Variants in RSF1 observed in about 807,000 individuals in gnomAD.
RSF1 encodes the protein HBV pX-associated protein 8.
A neutral mutation model predicts 145.2 loss-of-function variants in RSF1; 13 were observed. That is an observed-to-expected ratio of 0.09 (90% CI 0.06 to 0.14). The LOEUF is 0.14. RSF1 is among the 10% of genes least tolerant of loss of function. The pLI is 1.00. For missense variants in RSF1, 1,517 were observed against 1,718.2 expected (o/e 0.88, Z 2.07); for synonymous variants, 577 against 592.6 (o/e 0.97, Z 0.38).
upstream of RSF1, among the ~76,000 whole-genome samples, chr11:77,825,149 T>G (rs1419759125): frequency 6.6e-6 from 1 of 151,866 alleles, no homozygotes; most frequent in Non-Finnish European, 1.5e-5. Flanking sequence ...CCCGGCTAAT[T>G]TTTTTTGTAT....
At chr11:77,698,786 C>T in intron 6 of RSF1, 93 bp from the exon 7 acceptor site, 1 of 1,036,712 alleles carries the variant, frequency 9.6e-7, no homozygotes, top group East Asian at 2.5e-5. Flanking sequence ...TAATATTCAG[C>T]CAATATACCA....
intron 1 of RSF1, among the ~76,000 whole-genome samples, chr11:77,789,602 A>G (rs1348797994): frequency 2.0e-5 from 3 of 152,052 alleles, no homozygotes; most frequent in African/African-American, 4.8e-5. Flanking sequence ...TTCCCCACCC[A>G]CCAGTCTAAG....
At chr11:77,703,834 G>GA (rs1411247975) in intron 5 of RSF1, among the ~76,000 whole-genome samples, 3 of 151,964 alleles carry the variant, frequency 2.0e-5, no homozygotes, top group Non-Finnish European at 2.9e-5. Context: ...AATAAGGTAA[G>GA]AAAAAAACAG....
In RSF1 at chr11:77,725,682, G is replaced by A; in HGVS notation, c.596C>T (p.Ala199Val). The A allele has an allele frequency of 1.3e-6, 2 of 1,573,428 alleles. No individual in the cohort carries two copies. The highest frequency in any genetic ancestry group is 1.7e-6 in the Non-Finnish European group (2 of 1,160,984). ...KCIVRNRNEL[A>V]ETLALLKAQI... ...TGCTTTCAGGAGTGCAAGAGTCTCA[G>A]CCAACTCGTTTCGATTTCTAAACAA... The change falls in exon 5 of 16, where the codon GCT becomes GTT. Residue 199 changes from alanine to valine, a missense_variant. This residue lies in a region of RSF1 where 4 missense variants were observed against 19.0 expected (regional missense o/e 0.21). Coordinates refer to ENST00000308488, the MANE Select transcript of RSF1 (RefSeq NM_016578.4).
chr11:77,686,275 G>C (rs1960001451), intron 9 of RSF1, among the ~76,000 whole-genome samples: 1 of 151,612 alleles, frequency 6.6e-6, no homozygotes, highest in Admixed American at 6.6e-5. Flanking sequence ...AGGTATGGTG[G>C]CACACACCTA....
intron 1 of RSF1, among the ~76,000 whole-genome samples, chr11:77,778,216 A>G (rs1230013100): frequency 9.5e-4 from 17 of 17,972 alleles, no homozygotes; most frequent in South Asian, 4.0e-3. Context: ...GAGGATGGGG[A>G]GGGGAGGGGG....
rs1287576274 is a variant in RSF1, at chr11:77,675,127, C to T, written c.3471G>A (p.Arg1157=). ...RLRRHPSRPM[R]QSRRLRRKTP... ...TCTTTCTTCGCAAACGCCTGCTCTG[C>T]CTCATTGGCCGAGAGGGGTGTCGCC... Residue 1157 remains arginine (R), a synonymous_variant, in exon 14 of 16, where the codon AGG becomes AGA. Transcript: ENST00000308488. 1.9e-6 allele frequency: 3 copies of T among 1,614,116 alleles called. No individual in the cohort carries two copies. Among genetic ancestry groups the T allele is most frequent in the East Asian group, 2.2e-5 (1 of 44,890 alleles).
At chr11:77,670,161 G>A (rs759255060) in intron 15 of RSF1, among the ~76,000 whole-genome samples, 7 of 152,112 alleles carry the variant, frequency 4.6e-5, no homozygotes, top group South Asian at 2.1e-4. Flanking sequence ...ATGTAAGCAG[G>A]TGGGCTCTCG....
intron 4 of RSF1, among the ~76,000 whole-genome samples, chr11:77,736,892 GATGT>G (rs1429301309): frequency 2.0e-5 from 3 of 152,102 alleles, no homozygotes; most frequent in East Asian, 1.9e-4. Context: ...ATTACACAAG[GATGT>G]ATGTAATAGA....
chr11:77,841,769 T>C, the RSF1 span, among the ~76,000 whole-genome samples: 1 of 152,156 alleles, frequency 6.6e-6, no homozygotes, highest in African/African-American at 2.4e-5. Context: ...AAATTCCTGT[T>C]AAATCCCACC....
the RSF1 span, among the ~76,000 whole-genome samples, chr11:77,828,640 C>G: frequency 6.8e-6 from 1 of 146,642 alleles, no homozygotes; most frequent in African/African-American, 2.5e-5. Context: ...CACTGCACTG[C>G]GCCTGGGCAA....
At chr11:77,784,584 T>A (rs1457034359) in intron 1 of RSF1, among the ~76,000 whole-genome samples, 4 of 152,158 alleles carry the variant, frequency 2.6e-5, no homozygotes, top group Non-Finnish European at 5.9e-5. Context: ...ATATCAATGT[T>A]ACCATGCTGC....
chr11:77,755,670 C>T (rs1013376015), intron 2 of RSF1, among the ~76,000 whole-genome samples: 1 of 152,018 alleles, frequency 6.6e-6, no homozygotes, highest in East Asian at 1.9e-4. Flanking sequence ...ACCTCTGCCC[C>T]CCAGGTTCAA....
At chr11:77,830,718 CAT>C in the RSF1 span, among the ~76,000 whole-genome samples, 10 of 151,922 alleles carry the variant, frequency 6.6e-5, no homozygotes, top group African/African-American at 1.5e-4. Context: ...TACAAAAACA[CAT>C]GTCAATAATA....
chr11:77,717,021 G>C (rs1450710384), intron 5 of RSF1, among the ~76,000 whole-genome samples: 1 of 151,594 alleles, frequency 6.6e-6, no homozygotes, highest in Non-Finnish European at 1.5e-5. Flanking sequence ...CTACAGAAAA[G>C]GCAAAAATGA....
intron 1 of RSF1, among the ~76,000 whole-genome samples, chr11:77,815,701 A>G (rs536957247): frequency 2.0e-5 from 3 of 152,324 alleles, no homozygotes; most frequent in African/African-American, 7.2e-5. Flanking sequence ...GCTATTTCTT[A>G]CTAGATTAGA....
chr11:77,849,627 G>A, the RSF1 span, among the ~76,000 whole-genome samples: 1 of 152,090 alleles, frequency 6.6e-6, no homozygotes, highest in Admixed American at 6.6e-5. Flanking sequence ...CCAAAGTGCT[G>A]GATCTGTTTT....
the RSF1 span, chr11:77,842,527 TG>T: frequency 6.2e-7 from 1 of 1,613,960 alleles, no homozygotes. Context: ...TTCCTTATCA[TG>T]GGGGCAAATG....
intron 14 of RSF1, 47 bp downstream of exon 14, chr11:77,674,989 C>CA (rs774395291): frequency 1.4e-6 from 2 of 1,480,658 alleles, no homozygotes. Context: ...ACAAGAAAAA[C>CA]AAAAAATAAT....
Sources: allele counts gnomAD v4.1 joint callset (sites outside exome capture counted in the v4.1 genomes callset), GRCh38; gene constraint gnomAD v4.1.1; regional missense constraint gnomAD v4.1.1; transcripts MANE v1.5; gene names NCBI Gene and HGNC (gene_info 2026-07-23, HGNC 2026-07-21).